Variants in TDRD12 observed in about 807,000 individuals in gnomAD.
The protein encoded by TDRD12 is putative ATP-dependent RNA helicase TDRD12.
Under a neutral mutation model 133.5 loss-of-function variants are expected in TDRD12, and 158 were observed. That is an observed-to-expected ratio of 1.18 (90% CI 1.04 to 1.35). The LOEUF (loss-of-function observed/expected upper bound fraction) is 1.35. TDRD12 is among the 40% of genes most tolerant of loss of function. TDRD12 has a pLI of 0.00. For missense variants in TDRD12, 1,443 were observed against 1,321.3 expected (o/e 1.09, Z -1.43); for synonymous variants, 460 against 477.9 (o/e 0.96, Z 0.49).
At chr19:32,760,435 A>C (rs1247829595) in intron 8 of TDRD12, among the ~76,000 whole-genome samples, 1 of 152,214 alleles carries the variant, frequency 6.6e-6, no homozygotes, top group Non-Finnish European at 1.5e-5. Context: ...ATTTTTGAGA[A>C]TCAAAGTATA....
chr19:32,744,532 A>C (rs970743207), intron 4 of TDRD12, among the ~76,000 whole-genome samples: 3 of 149,784 alleles, frequency 2.0e-5, no homozygotes, highest in African/African-American at 4.9e-5. Flanking sequence ...AAACAAAAGA[A>C]TATAGATAAA....
At chr19:32,817,459 C>T (rs1256760536) in intron 26 of TDRD12, among the ~76,000 whole-genome samples, 2 of 152,120 alleles carry the variant, frequency 1.3e-5, no homozygotes, top group East Asian at 1.9e-4. Flanking sequence ...CCCTTTGAAG[C>T]TCATCCTCCA....
intron 8 of TDRD12, among the ~76,000 whole-genome samples, chr19:32,764,061 G>A (rs1970224845): frequency 6.7e-6 from 1 of 149,688 alleles, no homozygotes; most frequent in Admixed American, 6.6e-5. Flanking sequence ...GACAAATCTT[G>A]GAGATTCTAA....
At chr19:32,790,800 C>T (rs1971047471) in intron 12 of TDRD12, 164 bp from the exon 13 acceptor site, 10 of 1,470,374 alleles carry the variant, frequency 6.8e-6, no homozygotes, top group African/African-American at 2.9e-5. Flanking sequence ...AACGATCTTC[C>T]TTTTGGTAGT....
chr19:32,766,626 T>G (rs938289766), intron 8 of TDRD12, among the ~76,000 whole-genome samples: 1 of 152,050 alleles, frequency 6.6e-6, no homozygotes, highest in African/African-American at 2.4e-5. Context: ...CCATAATTTT[T>G]TTTTTTGAGA....
In TDRD12 at chr19:32,740,521, G is replaced by A. The variant is rs371675711; in HGVS notation, c.320+1529G>A. Among the ~76,000 whole-genome samples, 9 of 151,408 alleles carry A rather than the reference G, an allele frequency of 5.9e-5. No individual in the cohort carries two copies. The East Asian group carries it at 1.8e-3, about 30-fold the overall frequency. On this transcript the variant is annotated intron_variant, in intron 3 of 27. Coordinates refer to ENST00000444215, the Ensembl canonical transcript of TDRD12. Reference sequence around the variant, plus strand: ...GTTCTCTGCATCTCCTGCGTTCTCTGCATTTCCTGGCTGCTCTCTGCATCT... The same window carrying A: ...GTTCTCTGCATCTCCTGCGTTCTCTACATTTCCTGGCTGCTCTCTGCATCT...
intron 8 of TDRD12, among the ~76,000 whole-genome samples, chr19:32,768,324 A>G (rs779007929): frequency 6.6e-6 from 1 of 151,930 alleles, no homozygotes; most frequent in Admixed American, 6.6e-5. Flanking sequence ...GATTTTTAAG[A>G]TAAGAATATA....
intron 8 of TDRD12, among the ~76,000 whole-genome samples, chr19:32,757,497 T>TA (rs1970029888): frequency 6.6e-6 from 1 of 152,302 alleles, no homozygotes; most frequent in Middle Eastern, 3.4e-3. Flanking sequence ...AGGGCAGAAA[T>TA]ACGTAGTTTT....
At chr19:32,825,932 T>C (rs1967573620), downstream of TDRD12, among the ~76,000 whole-genome samples, 1 of 152,230 alleles carries the variant, frequency 6.6e-6, no homozygotes. This position sits in a 1 kb window ranked among gnomAD's most constrained non-coding sequence, Gnocchi z 4.1. Flanking sequence ...TTTAATTTTT[T>C]CTAACTGTTC....
At chr19:32,820,368 G>A (rs1472165222) in intron 27 of TDRD12, among the ~76,000 whole-genome samples, 1 of 152,160 alleles carries the variant, frequency 6.6e-6, no homozygotes, top group Non-Finnish European at 1.5e-5. Flanking sequence ...TGGCTGGGGA[G>A]CAGGGGTGAG....
At chr19:32,771,474 T>C (rs1293064456) in intron 8 of TDRD12, among the ~76,000 whole-genome samples, 3 of 152,226 alleles carry the variant, frequency 2.0e-5, no homozygotes, top group Non-Finnish European at 4.4e-5. Flanking sequence ...GTTTCATAAA[T>C]ACTATTACTT....
exon 10 of TDRD12, chr19:32,827,289 G>A (rs1967622217): frequency 8.3e-7 from 1 of 1,199,164 alleles, no homozygotes; most frequent in Non-Finnish European, 1.0e-6. Context: ...GCGGCTGGAA[G>A]ATGTTGAACA....
At chr19:32,780,944 C>CT (rs11383637) in intron 11 of TDRD12, among the ~76,000 whole-genome samples, 66,048 of 126,682 alleles carry the variant, frequency 0.52, 18,117 homozygotes, top group African/African-American at 0.65. Context: ...TTTAATCTAT[C>CT]TTTTTTTTTT....
chr19:32,720,245 C>A (rs1968587433), intron 1 of TDRD12, 149 bp downstream of exon 1: 3 of 688,638 alleles, frequency 4.4e-6, no homozygotes, highest in South Asian at 3.4e-5. Flanking sequence ...CGACCCCAAC[C>A]CTACACAGCC....
At chr19:32,816,978 G>A (rs1001976433) in intron 26 of TDRD12, among the ~76,000 whole-genome samples, 1 of 152,140 alleles carries the variant, frequency 6.6e-6, no homozygotes, top group African/African-American at 2.4e-5. Flanking sequence ...GCCCACCAGA[G>A]AGGGGAATGA....
chr19:32,805,713 A>G (rs1187692811), intron 21 of TDRD12, among the ~76,000 whole-genome samples: 1 of 143,772 alleles, frequency 7.0e-6, no homozygotes, highest in Non-Finnish European at 1.5e-5. Context: ...CTCCACATAC[A>G]CTTTATTTTT....
At chr19:32,818,328 GA>G (rs1967257298) in intron 27 of TDRD12, among the ~76,000 whole-genome samples, 171 bp downstream of exon 27, 1 of 152,200 alleles carries the variant, frequency 6.6e-6, no homozygotes, top group African/African-American at 2.4e-5. Flanking sequence ...GCAGAACACA[GA>G]GACCCGGAGG....
In TDRD12 at chr19:32,747,846, T is replaced by TA. The variant is rs889274915; in HGVS notation, c.441-620dup. Among the ~76,000 whole-genome samples the TA allele has an allele frequency of 1.4e-4, 21 of 151,036 alleles. 1 individual carries two copies. The highest frequency in any genetic ancestry group is 5.8e-4 in the East Asian group (3 of 5,146). On this transcript the variant is annotated intron_variant, in intron 4 of 27. Transcript: ENST00000444215. ...CAACATAGCTAGACCCTCTCTCTAT[T>TA]AAAAAAAAAATTTTTTTTAATCGCT...
intron 1 of TDRD12, among the ~76,000 whole-genome samples, chr19:32,726,595 T>G (rs918509992): frequency 1.3e-5 from 2 of 152,130 alleles, no homozygotes; most frequent in Admixed American, 1.3e-4. Flanking sequence ...AGAATTTCCT[T>G]TCTTTTGAAG....
Sources: allele counts gnomAD v4.1 joint callset (sites outside exome capture counted in the v4.1 genomes callset), GRCh38; gene constraint gnomAD v4.1.1; non-coding constraint Gnocchi (gnomAD v3.1); transcripts MANE v1.5; gene names NCBI Gene and HGNC (gene_info 2026-07-23, HGNC 2026-07-21).